The following RERE variants were observed in gnomAD, a reference collection of about 807,000 sequenced individuals.
RERE encodes the protein arginine-glutamic acid dipeptide repeats protein.
A neutral mutation model predicts 146.1 loss-of-function variants in RERE; 40 were observed. That is an observed-to-expected ratio of 0.27 (90% CI 0.21 to 0.36). The LOEUF (loss-of-function observed/expected upper bound fraction) is 0.36, where lower values mean the gene tolerates loss of function less well. RERE is among the 10% of genes least tolerant of loss of function. The probability of loss-of-function intolerance (pLI) is 1.00; values close to 1 mark genes in which losing one functional copy is unlikely to be tolerated. For synonymous variants in RERE, 1,003 were observed against 866.0 expected, an observed-to-expected ratio of 1.16 and a Z score of -2.78; for missense variants, 1,933 against 2,138.7, an observed-to-expected ratio of 0.90 and a Z score of 1.90.
At chr1:8,466,150 C>A (rs1644593777) in intron 10 of RERE, 127 bp from the exon 11 acceptor site, 2 of 720,058 alleles carry the variant, frequency 2.8e-6, no homozygotes, top group Non-Finnish European at 4.5e-6. Context: ...GAGACTCCAT[C>A]ATTTCAGTAG....
chr1:8,724,633 T>G (rs1314011726), intron 1 of RERE, among the ~76,000 whole-genome samples: 1 of 151,780 alleles, frequency 6.6e-6, no homozygotes, highest in Non-Finnish European at 1.5e-5. Context: ...GATCACGAGC[T>G]CAGGAGTTCA....
intron 1 of RERE, among the ~76,000 whole-genome samples, chr1:8,704,700 A>G (rs1296289965): frequency 2.0e-5 from 3 of 152,248 alleles, no homozygotes; most frequent in African/African-American, 7.2e-5. Flanking sequence ...CTATTTAAAG[A>G]TAACTCTGCT....
chr1:8,506,126 A>G (rs1645246819), intron 8 of RERE, among the ~76,000 whole-genome samples: 1 of 152,212 alleles, frequency 6.6e-6, no homozygotes, highest in Non-Finnish European at 1.5e-5. Flanking sequence ...ATACACAGTG[A>G]GAGGGAAAAA....
chr1:8,799,424 GT>G, intron 1 of RERE: 1 of 174,278 alleles, frequency 5.7e-6, no homozygotes, highest in African/African-American at 2.4e-5. Context: ...TAAATGCAAG[GT>G]TACTGAGAGG....
At chr1:8,548,112 A>G (rs941863799) in intron 6 of RERE, among the ~76,000 whole-genome samples, 1 of 152,226 alleles carries the variant, frequency 6.6e-6, no homozygotes, top group Non-Finnish European at 1.5e-5. Context: ...CATCTACAGT[A>G]TTCTACCCTT....
At chr1:8,782,839 G>A (rs1641190065) in intron 1 of RERE, among the ~76,000 whole-genome samples, 1 of 152,156 alleles carries the variant, frequency 6.6e-6, no homozygotes, top group African/African-American at 2.4e-5. Flanking sequence ...CCGGGAGGTG[G>A]AGGGTGAAGT....
intron 1 of RERE, among the ~76,000 whole-genome samples, chr1:8,768,643 T>C (rs1640890416): frequency 6.6e-6 from 1 of 152,212 alleles, no homozygotes; most frequent in African/African-American, 2.4e-5. Context: ...CAGTAAACTT[T>C]TCTGTTAAAG....
intron 10 of RERE, among the ~76,000 whole-genome samples, chr1:8,474,177 TTTAA>T (rs750125431): frequency 4.6e-5 from 7 of 152,322 alleles, no homozygotes; most frequent in East Asian, 1.9e-4. Flanking sequence ...CTGCCTACAG[TTTAA>T]TTAACTCATG....
chr1:8,569,150 T>C (rs1646187347), intron 4 of RERE, among the ~76,000 whole-genome samples: 1 of 146,936 alleles, frequency 6.8e-6, no homozygotes, highest in Admixed American at 6.9e-5. Flanking sequence ...ATTTCTCCCA[T>C]AAAGGAAGAA....
chr1:8,548,388 C>T (rs1206980858), intron 6 of RERE, among the ~76,000 whole-genome samples: 1 of 151,740 alleles, frequency 6.6e-6, no homozygotes, highest in Non-Finnish European at 1.5e-5. Context: ...CAAGGAGAAA[C>T]CAAAAATAGG....
chr1:8,706,804 C>A (rs1639569324), intron 1 of RERE, among the ~76,000 whole-genome samples: 1 of 152,132 alleles, frequency 6.6e-6, no homozygotes, highest in Non-Finnish European at 1.5e-5. Context: ...CAAAGTGAAA[C>A]ATTTGTTTTA....
At chr1:8,779,966 A>G (rs1641136207) in intron 1 of RERE, among the ~76,000 whole-genome samples, 1 of 152,078 alleles carries the variant, frequency 6.6e-6, no homozygotes, top group South Asian at 2.1e-4. Flanking sequence ...CGAGGCGGGC[A>G]GATCACTTGA....
chr1:8,355,588 G>T lies in RERE; in HGVS notation c.4498C>A (p.Pro1500Thr). The T allele has an allele frequency of 6.3e-7, 1 of 1,579,182 alleles. No homozygotes were observed. The highest frequency in any genetic ancestry group is 8.6e-7 in the Non-Finnish European group (1 of 1,159,876). The change falls in exon 22 of 23, where the codon CCC becomes ACC. Residue 1500 changes from proline to threonine, a missense_variant. By Grantham distance (38) the Pro-to-Thr change is conservative (BLOSUM62 -1). Transcript: ENST00000400908. ...LRHPVFGTPY[P>T]RDLPGAIPPP... ...GGGATGGCCCCAGGCAGGTCACGGG[G>T]GTAGGGGGTGCCTGCCGAACACAAA...
intron 1 of RERE, among the ~76,000 whole-genome samples, chr1:8,736,655 G>T (rs948417181): frequency 6.6e-6 from 1 of 151,942 alleles, no homozygotes; most frequent in African/African-American, 2.4e-5. Flanking sequence ...TTATATCATA[G>T]AAGAACAGAG....
intron 21 of RERE, 122 bp downstream of exon 21, chr1:8,355,978 G>C (rs1570012284): frequency 6.4e-6 from 7 of 1,088,544 alleles, no homozygotes; most frequent in Non-Finnish European, 8.9e-6. Flanking sequence ...CTGCATGCAG[G>C]GGGAGCGAAC....
chr1:8,733,905 C>T (rs1640142740), intron 1 of RERE, among the ~76,000 whole-genome samples: 1 of 152,194 alleles, frequency 6.6e-6, no homozygotes, highest in South Asian at 2.1e-4. Context: ...AGTTCCAAAC[C>T]AGCCTGGCCA....
At chr1:8,369,508 T>TAAAAAAAAAAAAAAAAAAAAAAAAAAA (rs1186718390) in intron 12 of RERE, among the ~76,000 whole-genome samples, 4 of 76,892 alleles carry the variant, frequency 5.2e-5, no homozygotes, top group African/African-American at 1.7e-4. Context: ...CGCCTTTTAC[T>TAAAAAAAAAAAAAAAAAAAAAAAAAAA]AAAAAAAAAA....
chr1:8,703,406 C>A (rs1279687000), intron 1 of RERE, among the ~76,000 whole-genome samples: 1 of 151,708 alleles, frequency 6.6e-6, no homozygotes, highest in African/African-American at 2.4e-5. Flanking sequence ...ATGCCGGTGA[C>A]CCAGACGCCG....
chr1:8,685,747 T>G (rs1639072952), intron 1 of RERE, among the ~76,000 whole-genome samples: 1 of 152,162 alleles, frequency 6.6e-6, no homozygotes, highest in Non-Finnish European at 1.5e-5. Context: ...GGTGGTACAA[T>G]GTATAAACCA....
Sources: gnomAD v4.1 joint callset for allele counts (sites outside exome capture counted in the v4.1 genomes callset) on GRCh38, gnomAD v4.1.1 for gene constraint, MANE v1.5 for transcripts, NCBI Gene and HGNC (gene_info 2026-07-23, HGNC 2026-07-21) for gene names.